Variants in OCIAD1 observed in about 807,000 individuals in gnomAD.
OCIAD1 encodes OCIA domain-containing protein 1.
In OCIAD1, 29 loss-of-function variants were observed where a neutral mutation model predicts 38.9. The ratio of observed to expected loss-of-function variants is 0.74; its 90% CI spans 0.55 to 1.02. The LOEUF is 1.02. OCIAD1 is among the 50% of genes least tolerant of loss of function. The probability of loss-of-function intolerance (pLI) is 0.00; values close to 1 mark genes in which losing one functional copy is unlikely to be tolerated. For missense variants in OCIAD1, 288 were observed against 289.6 expected, an observed-to-expected ratio of 0.99 and a Z score of 0.04; for synonymous variants, 110 against 92.0, an observed-to-expected ratio of 1.20 and a Z score of -1.12.
intron 1 of OCIAD1, among the ~76,000 whole-genome samples, chr4:48,811,340 C>A (rs1777087231): frequency 6.6e-6 from 1 of 152,290 alleles, no homozygotes. Context: ...TCAGACCCTC[C>A]AAATGGCTTC....
At chr4:48,829,366 AT>A (rs1490501684), upstream of OCIAD1, among the ~76,000 whole-genome samples, 1 of 151,636 alleles carries the variant, frequency 6.6e-6, no homozygotes, top group Non-Finnish European at 1.5e-5. Flanking sequence ...TAATTTTCTT[AT>A]TTTTGTTTTT....
At chr4:48,857,543 C>T (rs368217475) in intron 8 of OCIAD1, among the ~76,000 whole-genome samples, 178 bp downstream of exon 8, 8 of 148,280 alleles carry the variant, frequency 5.4e-5, no homozygotes, top group South Asian at 2.1e-4. Context: ...TTTTTTGAGA[C>T]GGAGTCTTGC....
intron 8 of OCIAD1, among the ~76,000 whole-genome samples, chr4:48,860,371 G>C (rs1163234407): frequency 6.8e-6 from 1 of 147,914 alleles, no homozygotes; most frequent in African/African-American, 2.5e-5. Flanking sequence ...TGGTAAAGAT[G>C]TAAAGGTACC....
chr4:48,826,853 T>A (rs1777257164), upstream of OCIAD1, among the ~76,000 whole-genome samples: 2 of 152,244 alleles, frequency 1.3e-5, no homozygotes, highest in Admixed American at 1.3e-4. Flanking sequence ...TTATCTCCAA[T>A]CACTCTTTTC....
chr4:48,810,388 G>C (rs1579032412), intron 1 of OCIAD1, among the ~76,000 whole-genome samples: 1 of 147,770 alleles, frequency 6.8e-6, no homozygotes, highest in East Asian at 2.0e-4. Context: ...AGAATGGCGT[G>C]AACCCGGGAG....
chr4:48,857,028 G>A (rs1026676524), intron 7 of OCIAD1, 185 bp from the exon 8 acceptor site: 32 of 337,656 alleles, frequency 9.5e-5, no homozygotes, highest in Non-Finnish European at 1.4e-4. Context: ...AAATATGGGT[G>A]GAAGTAGATT....
intron 3 of OCIAD1, 81 bp downstream of exon 3, chr4:48,833,562 T>C: frequency 1.2e-6 from 1 of 864,886 alleles, no homozygotes; most frequent in South Asian, 1.5e-5. Context: ...CCTGAAATTA[T>C]AATAACTCCG....
At position 48,851,841 on chromosome 4, in the gene OCIAD1, T is replaced by C; in HGVS notation, c.413T>C (p.Val138Ala). 1 of 1,613,350 alleles carries C rather than the reference T, an allele frequency of 6.2e-7. No individual in the cohort carries two copies. The highest frequency in any genetic ancestry group is 8.5e-7 in the Non-Finnish European group (1 of 1,179,418). The change falls in exon 7 of 9, where the codon GTG becomes GCG. Residue 138 changes from valine (V) to alanine (A), a missense_variant. Coordinates refer to ENST00000264312, the MANE Select transcript of OCIAD1 (RefSeq NM_017830.4). ...CAAAAGTCAAAATATGACTCAAGTG[T>C]GAGTGGTCAATCATCTTTTGTGACA... ...YYQKSKYDSSVSGQSSFVTSP... is the reference protein window; with the variant it reads ...YYQKSKYDSSASGQSSFVTSP...
intron 1 of OCIAD1, among the ~76,000 whole-genome samples, chr4:48,819,828 G>A (rs1258189350): frequency 6.7e-6 from 1 of 150,168 alleles, no homozygotes; most frequent in African/African-American, 2.4e-5. Flanking sequence ...ATTACATTAC[G>A]GTAAAGGGAT....
At chr4:48,831,500 G>A (rs1356795325) in intron 1 of OCIAD1, 2 of 1,290,476 alleles carry the variant, frequency 1.5e-6, no homozygotes, top group African/African-American at 1.5e-5. Context: ...ACGGCAGGTG[G>A]GAGACGGACA....
chr4:48,814,324 CTTT>C (rs199781870), intron 1 of OCIAD1, among the ~76,000 whole-genome samples: 15 of 129,972 alleles, frequency 1.2e-4, no homozygotes, highest in Admixed American at 4.7e-4. Flanking sequence ...TTCAGAAAGC[CTTT>C]TTTTTTTTTT....
intron 1 of OCIAD1, among the ~76,000 whole-genome samples, chr4:48,822,885 A>G (rs1226237565): frequency 6.6e-6 from 1 of 152,214 alleles, no homozygotes; most frequent in East Asian, 1.9e-4. Context: ...AAAAGTCAGG[A>G]GACAACAGAT....
chr4:48,836,650 A>G (rs1268562006), intron 3 of OCIAD1, among the ~76,000 whole-genome samples: 2 of 152,204 alleles, frequency 1.3e-5, no homozygotes, highest in African/African-American at 4.8e-5. Context: ...TTTGGATAGT[A>G]CCCATGGATA....
At chr4:48,841,265 A>C (rs1192267391) in intron 3 of OCIAD1, among the ~76,000 whole-genome samples, 1 of 152,362 alleles carries the variant, frequency 6.6e-6, no homozygotes, top group East Asian at 1.9e-4. Context: ...GTGTTTGCCA[A>C]CCTCAGGTCT....
At chr4:48,859,989 A>T (rs1780455005) in intron 8 of OCIAD1, among the ~76,000 whole-genome samples, 1 of 152,208 alleles carries the variant, frequency 6.6e-6, no homozygotes, top group Non-Finnish European at 1.5e-5. Flanking sequence ...TAGTATAATA[A>T]TGAAATAATT....
chr4:48,844,961 G>GT (rs1035058196), intron 4 of OCIAD1, among the ~76,000 whole-genome samples: 26 of 149,638 alleles, frequency 1.7e-4, no homozygotes, highest in South Asian at 8.4e-4. Flanking sequence ...TATAGATGCA[G>GT]TTTTTTTTTT....
intron 1 of OCIAD1, among the ~76,000 whole-genome samples, chr4:48,809,990 A>G (rs1015446326): frequency 3.3e-5 from 5 of 152,186 alleles, no homozygotes; most frequent in African/African-American, 1.2e-4. Context: ...TGTGCTTCTT[A>G]ATTTCAGTGC....
intron 1 of OCIAD1, among the ~76,000 whole-genome samples, chr4:48,806,785 T>C (rs536574345): frequency 6.6e-6 from 1 of 152,154 alleles, no homozygotes; most frequent in Non-Finnish European, 1.5e-5. Context: ...GTTGTATTTT[T>C]AGTAGAGATG....
At chr4:48,839,205 G>GT (rs1340387163) in intron 3 of OCIAD1, among the ~76,000 whole-genome samples, 1 of 152,164 alleles carries the variant, frequency 6.6e-6, no homozygotes, top group Non-Finnish European at 1.5e-5. Flanking sequence ...AGAGGCCGAG[G>GT]TGGGTGGATC....
Sources: gnomAD v4.1 joint callset for allele counts (sites outside exome capture counted in the v4.1 genomes callset) on GRCh38, gnomAD v4.1.1 for gene constraint, MANE v1.5 for transcripts, NCBI Gene and HGNC (gene_info 2026-07-23, HGNC 2026-07-21) for gene names.